The following PIBF1 variants were observed in gnomAD, a reference collection of about 807,000 sequenced individuals.
PIBF1 encodes progesterone-induced-blocking factor 1.
A neutral mutation model predicts 112.5 loss-of-function variants in PIBF1; 90 were observed. The observed-to-expected ratio is 0.80, with a 90% confidence interval of 0.67 to 0.95. The LOEUF is 0.95. PIBF1 is among the 40% of genes least tolerant of loss of function. The probability of loss-of-function intolerance (pLI) is 0.00; values close to 1 mark genes in which losing one functional copy is unlikely to be tolerated. For synonymous variants in PIBF1, 301 were observed against 288.6 expected (o/e 1.04, Z -0.44); for missense variants, 915 against 852.3 (o/e 1.07, Z -0.92).
chr13:72,814,508 T>C (rs1349253458), intron 5 of PIBF1, among the ~76,000 whole-genome samples: 2 of 151,376 alleles, frequency 1.3e-5, no homozygotes, highest in Non-Finnish European at 1.5e-5. Context: ...TAATAAATTT[T>C]AAGTACAGAT....
At chr13:72,986,895 G>T (rs2043307907) in intron 16 of PIBF1, among the ~76,000 whole-genome samples, 1 of 151,912 alleles carries the variant, frequency 6.6e-6, no homozygotes, top group African/African-American at 2.4e-5. Flanking sequence ...GTTTCACCTT[G>T]TTAGCCAGGA....
At chr13:72,931,610 C>T (rs897747463) in intron 14 of PIBF1, among the ~76,000 whole-genome samples, 3 of 150,856 alleles carry the variant, frequency 2.0e-5, no homozygotes, top group Admixed American at 6.6e-5. Flanking sequence ...TGGTTTTTAC[C>T]TCTGTGTTTA....
intron 8 of PIBF1, among the ~76,000 whole-genome samples, chr13:72,828,401 T>C (rs964329252): frequency 6.6e-6 from 1 of 151,986 alleles, no homozygotes; most frequent in African/African-American, 2.4e-5. Context: ...ACATTAGATA[T>C]TTCTCCTAAT....
rs376713178 is a variant in PIBF1, at chr13:72,797,603, T to C, written c.553-304T>C. 1.2e-4 allele frequency among the ~76,000 whole-genome samples: 19 copies of C among 152,314 alleles called. No homozygotes were observed. In the East Asian group the frequency reaches 3.5e-3, roughly 28 times the overall value. ...GCAAGACTCCTGAACATTTGTGATA[T>C]GTTCCAGAAGTTTACAAGCACCTAG... On this transcript the variant is annotated intron_variant, in intron 4 of 17. Coordinates refer to ENST00000326291, the MANE Select transcript of PIBF1 (RefSeq NM_006346.4).
chr13:72,942,265 T>TAAAAAAAAAA (rs35561447), intron 14 of PIBF1, among the ~76,000 whole-genome samples: 1 of 134,816 alleles, frequency 7.4e-6, no homozygotes. Context: ...TTCAATGATG[T>TAAAAAAAAAA]AAAAAAAAAA....
At chr13:72,868,213 A>G (rs1376041031) in intron 10 of PIBF1, among the ~76,000 whole-genome samples, 1 of 151,972 alleles carries the variant, frequency 6.6e-6, no homozygotes, top group Admixed American at 6.6e-5. Context: ...AGGTTGAAGG[A>G]TCCCTTGAGC....
intron 12 of PIBF1, among the ~76,000 whole-genome samples, chr13:72,911,186 C>G (rs187761886): frequency 1.4e-4 from 22 of 152,110 alleles, no homozygotes; most frequent in Admixed American, 7.9e-4. Context: ...GTGACCTCCT[C>G]TCCTCCACAA....
intron 17 of PIBF1, among the ~76,000 whole-genome samples, chr13:73,005,201 G>A (rs1276336107): frequency 1.3e-5 from 2 of 151,110 alleles, no homozygotes; most frequent in Non-Finnish European, 2.9e-5. Context: ...TAGTTAATGG[G>A]ATAAATCTTA....
At chr13:72,945,102 G>A (rs1249707151) in intron 14 of PIBF1, among the ~76,000 whole-genome samples, 1 of 152,080 alleles carries the variant, frequency 6.6e-6, no homozygotes, top group African/African-American at 2.4e-5. Flanking sequence ...ATGTCCATAT[G>A]TATGCAATGT....
intron 8 of PIBF1, among the ~76,000 whole-genome samples, chr13:72,833,681 G>A (rs1346172176): frequency 6.6e-6 from 1 of 152,196 alleles, no homozygotes; most frequent in Non-Finnish European, 1.5e-5. Flanking sequence ...TGAGGTGTCT[G>A]TCGGTCCCTA....
At chr13:72,956,841 A>G (rs2042459454) in intron 14 of PIBF1, among the ~76,000 whole-genome samples, 1 of 152,222 alleles carries the variant, frequency 6.6e-6, no homozygotes, top group African/African-American at 2.4e-5. Context: ...AACCCCATCA[A>G]AAAGTGGGCT....
At chr13:73,009,905 T>C (rs1176012177) in intron 17 of PIBF1, among the ~76,000 whole-genome samples, 2 of 152,214 alleles carry the variant, frequency 1.3e-5, no homozygotes, top group East Asian at 1.9e-4. Context: ...CTGTCTGCCA[T>C]TGAAATTCTT....
chr13:72,846,353 C>T (rs1178420866), intron 9 of PIBF1, among the ~76,000 whole-genome samples: 6 of 152,152 alleles, frequency 3.9e-5, no homozygotes, highest in Non-Finnish European at 8.8e-5. Context: ...ACGTATATTA[C>T]CTTGCTTCAA....
intron 16 of PIBF1, among the ~76,000 whole-genome samples, chr13:72,997,718 C>G (rs955964695): frequency 6.6e-6 from 1 of 152,138 alleles, no homozygotes; most frequent in East Asian, 1.9e-4. Flanking sequence ...CCATAACTTT[C>G]GTGTTTTGGC....
At position 72,894,018 on chromosome 13, in the gene PIBF1, G is replaced by A. The variant is rs542902156; in HGVS notation, c.1488+69G>A. ...ACTCCCTAAGTACAAGATTTATATT[G>A]AGCTTTATTTCTCCTATAGGATGTA... On this transcript the variant is annotated intron_variant, in intron 11 of 17. Coordinates refer to ENST00000326291, the MANE Select transcript of PIBF1 (RefSeq NM_006346.4). 8 of 351,050 alleles carry A rather than the reference G, an allele frequency of 2.3e-5. No homozygotes were observed. The East Asian group carries it at 7.6e-4, about 33-fold the overall frequency. The allele number at this position is 351,050 out of a possible 1,614,324, so 21.7% of individuals were successfully genotyped here.
chr13:72,897,794 T>C (rs983754872), intron 11 of PIBF1, among the ~76,000 whole-genome samples: 1 of 152,122 alleles, frequency 6.6e-6, no homozygotes, highest in Non-Finnish European at 1.5e-5. Flanking sequence ...AGCTCCCAAA[T>C]TTATAAAACA....
chr13:72,783,441 GAGA>G lies in PIBF1; in HGVS notation c.-24_-22del, dbSNP rs780077453. The G allele has an allele frequency of 6.9e-7, 1 of 1,444,844 alleles. No homozygotes were observed. The highest frequency in any genetic ancestry group is 1.4e-5 in the African/African-American group (1 of 70,052). 89.5% of individuals were successfully genotyped at this position (1,444,844 alleles called of 1,614,324 possible). On this transcript the variant is annotated 5_prime_UTR_variant, in exon 2 of 18. Coordinates refer to ENST00000326291, the MANE Select transcript of PIBF1 (RefSeq NM_006346.4). ...CCTACAGAATATTAAAATCAAATTA[GAGA>G]AGAAAACTGATCCATAATAATAAAA...
intron 17 of PIBF1, among the ~76,000 whole-genome samples, chr13:73,005,522 A>C (rs1415964017): frequency 6.6e-6 from 1 of 151,760 alleles, no homozygotes; most frequent in Non-Finnish European, 1.5e-5. Context: ...AATAAATTTA[A>C]ATTTTTAATT....
intron 8 of PIBF1, among the ~76,000 whole-genome samples, chr13:72,828,346 A>C (rs1202422435): frequency 6.7e-6 from 1 of 150,258 alleles, no homozygotes; most frequent in Non-Finnish European, 1.5e-5. Flanking sequence ...TTACATAGGT[A>C]TACACATGCC....
Sources: gnomAD v4.1 joint callset for allele counts (sites outside exome capture counted in the v4.1 genomes callset) on GRCh38, gnomAD v4.1.1 for gene constraint, MANE v1.5 for transcripts, NCBI Gene and HGNC (gene_info 2026-07-23, HGNC 2026-07-21) for gene names.